DRD2: variants seen among roughly 807,000 people sequenced by gnomAD.
The protein encoded by DRD2 is dopamine receptor D2.
A neutral mutation model predicts 38.0 loss-of-function variants in DRD2; 8 were observed. That is an observed-to-expected ratio of 0.21 (90% confidence interval 0.12 to 0.38). DRD2 has a LOEUF of 0.38. Ranked by LOEUF, DRD2 falls within the 10% of genes least tolerant of loss-of-function variation. The pLI is 1.00. For missense variants in DRD2, 403 were observed against 607.7 expected (o/e 0.66, Z 3.54); for synonymous variants, 230 against 238.6 (o/e 0.96, Z 0.33).
chr11:113,416,261 C>T (rs1950825431), intron 4 of DRD2, among the ~76,000 whole-genome samples: 1 of 152,240 alleles, frequency 6.6e-6, no homozygotes, highest in Middle Eastern at 3.2e-3. Context: ...GAGGTGCACA[C>T]CTGCCATCGC....
At chr11:113,441,075 G>A (rs971556244) in intron 1 of DRD2, among the ~76,000 whole-genome samples, 2 of 152,186 alleles carry the variant, frequency 1.3e-5, no homozygotes, top group African/African-American at 4.8e-5. Flanking sequence ...CAAGAAGGAG[G>A]AGAAGCTCTT....
At chr11:113,414,569 G>T in intron 5 of DRD2, 108 bp from the exon 6 acceptor site, 1 of 1,172,430 alleles carries the variant, frequency 8.5e-7, no homozygotes, top group Non-Finnish European at 1.3e-6. Context: ...GAAGGGCTCA[G>T]AGATCAGGAG....
intron 7 of DRD2, among the ~76,000 whole-genome samples, chr11:113,411,394 T>C (rs961040041): frequency 2.1e-4 from 32 of 152,104 alleles, no homozygotes; most frequent in African/African-American, 7.7e-4. Flanking sequence ...CTCCGGTCTA[T>C]CCAGGTCCCC....
At chr11:113,453,784 A>T (rs962824625) in intron 1 of DRD2, among the ~76,000 whole-genome samples, 12 of 152,202 alleles carry the variant, frequency 7.9e-5, no homozygotes, top group African/African-American at 2.7e-4. Flanking sequence ...ATGATTTTTT[A>T]AAAGTCCCCT....
intron 2 of DRD2, among the ~76,000 whole-genome samples, chr11:113,423,468 G>C (rs1398156866): frequency 6.6e-6 from 1 of 152,146 alleles, no homozygotes; most frequent in Non-Finnish European, 1.5e-5. Flanking sequence ...TAGAGATGGG[G>C]TTTCACCATG....
chr11:113,431,439 G>A (rs554831666), intron 1 of DRD2, among the ~76,000 whole-genome samples: 2 of 152,234 alleles, frequency 1.3e-5, no homozygotes, highest in African/African-American at 4.8e-5. Flanking sequence ...CCAGGAGAAA[G>A]AGAAGACTGC....
rs1950801111 is a variant in DRD2, at chr11:113,414,387, G to A, written c.798C>T (p.Asn266=). 3 of 1,614,156 alleles carry A rather than the reference G, an allele frequency of 1.9e-6. No homozygotes were observed. The highest frequency in any genetic ancestry group is 2.5e-6 in the Non-Finnish European group (3 of 1,180,000). ...IMKSNGSFPV[N]RRRVEAARRA... ...CCTGAGCACTTACCACTCTCCGCCT[G>A]TTCACTGGGAAACTCCCATTAGACT... Residue 266 remains asparagine (N), a synonymous_variant, in exon 6 of 8, where the codon AAC becomes AAT. Transcript: ENST00000362072.
At chr11:113,434,689 T>C (rs1450572567) in intron 1 of DRD2, among the ~76,000 whole-genome samples, 1 of 152,208 alleles carries the variant, frequency 6.6e-6, no homozygotes, top group East Asian at 1.9e-4. Context: ...TAGAGATGGC[T>C]TCTGGGCTTC....
chr11:113,434,509 C>T (rs1032229697), intron 1 of DRD2, among the ~76,000 whole-genome samples: 2 of 152,190 alleles, frequency 1.3e-5, no homozygotes, highest in African/African-American at 2.4e-5. Context: ...CCAGCTGGTT[C>T]GGGTCCTTGC....
intron 1 of DRD2, among the ~76,000 whole-genome samples, chr11:113,459,321 G>A (rs922624975): frequency 1.3e-5 from 2 of 152,186 alleles, no homozygotes; most frequent in East Asian, 1.9e-4. Flanking sequence ...TTTAAAGCAA[G>A]GTTTGTCACC....
chr11:113,438,676 T>G (rs1471264800), intron 1 of DRD2, among the ~76,000 whole-genome samples: 1 of 152,206 alleles, frequency 6.6e-6, no homozygotes, highest in East Asian at 1.9e-4. Context: ...CATGCAGATT[T>G]GCAACAACCC....
rs1951022524 is a variant in DRD2 at position 113,434,984 on chromosome 11, T to C, written c.-31-10302A>G. Among the ~76,000 whole-genome samples the C allele has an allele frequency of 2.0e-5, 3 of 152,188 alleles. No homozygotes were observed. In the South Asian group the frequency reaches 6.2e-4, roughly 32 times the overall value. ...GAGCAGAGGAGACCACAGCTGAGCATGACCAGGCCTCCCCTTCTCCAGGGC... is the reference window on the plus strand; with the variant it reads ...GAGCAGAGGAGACCACAGCTGAGCACGACCAGGCCTCCCCTTCTCCAGGGC... On this transcript the variant is annotated intron_variant, in intron 1 of 7. Transcript: ENST00000362072.
intron 1 of DRD2, among the ~76,000 whole-genome samples, chr11:113,433,866 C>T (rs558182754): frequency 1.3e-5 from 2 of 152,316 alleles, no homozygotes; most frequent in Non-Finnish European, 2.9e-5. Context: ...CCAGTCTTAC[C>T]TCCCACCTCA....
chr11:113,460,363 G>A (rs962819011), intron 1 of DRD2, among the ~76,000 whole-genome samples: 53 of 152,244 alleles, frequency 3.5e-4, no homozygotes, highest in Non-Finnish European at 2.5e-4. Flanking sequence ...ATACTCAGGT[G>A]GGCAGACTTT....
chr11:113,419,482 C>T (rs1950862796), intron 2 of DRD2, among the ~76,000 whole-genome samples: 1 of 105,758 alleles, frequency 9.5e-6, no homozygotes, highest in South Asian at 3.8e-4. Context: ...ATGAACGCAC[C>T]GCCCTCCCCC....
In DRD2 at chr11:113,410,081, C is replaced by T. The variant is rs942591216; in HGVS notation, c.*646G>A. On this transcript the variant is annotated 3_prime_UTR_variant, in exon 8 of 8. Coordinates refer to ENST00000362072, the MANE Select transcript of DRD2 (RefSeq NM_000795.4). Reference sequence around the variant, plus strand: ...AAGATGAGGGCTCCTCTTCTCAGAGCATGTGGAAACCACTTGGGGAGCTGT... The same window carrying T: ...AAGATGAGGGCTCCTCTTCTCAGAGTATGTGGAAACCACTTGGGGAGCTGT... The T allele has an allele frequency of 6.2e-6, 1 of 162,342 alleles. No homozygotes were observed. Among genetic ancestry groups the T allele is most frequent in the African/African-American group, 2.4e-5 (1 of 41,608 alleles). The allele number at this position is 162,342 out of a possible 1,614,324, so 10.1% of individuals were successfully genotyped here.
At chr11:113,467,659 A>G (rs897279586) in intron 1 of DRD2, among the ~76,000 whole-genome samples, 4 of 152,234 alleles carry the variant, frequency 2.6e-5, no homozygotes, top group African/African-American at 9.6e-5. Context: ...GACACTGCCA[A>G]TCAGGGAGGC....
intron 1 of DRD2, among the ~76,000 whole-genome samples, chr11:113,462,033 C>T (rs1001792386): frequency 6.7e-6 from 1 of 150,220 alleles, no homozygotes; most frequent in Admixed American, 6.6e-5. Context: ...CCTTACCAAC[C>T]ATTGTGCCAG....
intron 1 of DRD2, among the ~76,000 whole-genome samples, chr11:113,452,469 T>TGTGCGCGCGC (rs1210531875): frequency 4.2e-5 from 5 of 118,784 alleles, no homozygotes; most frequent in Admixed American, 1.6e-4. Context: ...TGTGTGTGTG[T>TGTGCGCGCGC]GCGCGCGCGC....
Sources: allele counts gnomAD v4.1 joint callset (sites outside exome capture counted in the v4.1 genomes callset), GRCh38; gene constraint gnomAD v4.1.1; transcripts MANE v1.5; gene names NCBI Gene and HGNC (gene_info 2026-07-23, HGNC 2026-07-21).